The following SGPP2 variants were observed in gnomAD, a reference collection of about 807,000 sequenced individuals.
SGPP2 encodes sphingosine 1-phosphate phosphohydrolase 2.
In SGPP2, 30 loss-of-function variants were observed where a neutral mutation model predicts 33.9. The ratio of observed to expected loss-of-function variants is 0.89; its 90% CI spans 0.66 to 1.20. SGPP2 has a LOEUF of 1.20. Among genes scored for constraint, SGPP2 ranks in the 50% most tolerant of loss-of-function variants. The pLI is 0.00. For synonymous variants in SGPP2, 233 were observed against 225.0 expected (o/e 1.04, Z -0.32); for missense variants, 458 against 532.1 (o/e 0.86, Z 1.37).
At chr2:222,437,504 T>C (rs1239466006) in intron 1 of SGPP2, among the ~76,000 whole-genome samples, 1 of 152,112 alleles carries the variant, frequency 6.6e-6, no homozygotes, top group Non-Finnish European at 1.5e-5. Flanking sequence ...CATAGGGAAC[T>C]CCCCATGAGG....
intron 4 of SGPP2, among the ~76,000 whole-genome samples, chr2:222,546,085 C>T (rs57656700): frequency 0.039 from 5,920 of 152,250 alleles, 191 homozygotes; most frequent in African/African-American, 0.082. Context: ...GGGAATGGTC[C>T]TTAAAACATG....
chr2:222,539,108 G>A lies in SGPP2; in HGVS notation c.648+14075G>A, dbSNP rs114266666. 9.1e-3 allele frequency among the ~76,000 whole-genome samples: 1,382 copies of A among 152,230 alleles called. 25 individuals carry two copies. Among genetic ancestry groups the A allele is most frequent in the African/African-American group, 0.032 (1,312 of 41,538 alleles). On this transcript the variant is annotated intron_variant, in intron 4 of 4. Coordinates refer to ENST00000321276, the MANE Select transcript of SGPP2 (RefSeq NM_152386.4). ...GAGTCCCAAGTCCCATCTAAGACAA[G>A]GCAAGTCCCTTCCGTCTAGGAGCCT...
At chr2:222,499,650 G>A (rs919862534) in intron 2 of SGPP2, among the ~76,000 whole-genome samples, 1 of 152,110 alleles carries the variant, frequency 6.6e-6, no homozygotes, top group Non-Finnish European at 1.5e-5. Context: ...TGGGGCATTG[G>A]GGGAAAGACA....
At chr2:222,554,899 A>C (rs1170228050) in intron 4 of SGPP2, among the ~76,000 whole-genome samples, 2 of 152,190 alleles carry the variant, frequency 1.3e-5, no homozygotes, top group African/African-American at 4.8e-5. Context: ...TTTGTTTGGC[A>C]TAAAGTTCCA....
intron 1 of SGPP2, among the ~76,000 whole-genome samples, chr2:222,443,592 T>C (rs1475443070): frequency 6.6e-6 from 1 of 152,228 alleles, no homozygotes; most frequent in Non-Finnish European, 1.5e-5. Flanking sequence ...TGCCATTTCT[T>C]CTCGCTGGTA....
chr2:222,473,555 A>G (rs1338272541), intron 1 of SGPP2, among the ~76,000 whole-genome samples: 1 of 152,224 alleles, frequency 6.6e-6, no homozygotes, highest in African/African-American at 2.4e-5. Flanking sequence ...GAGGTTGTTT[A>G]ATGCATACAA....
intron 1 of SGPP2, among the ~76,000 whole-genome samples, chr2:222,464,884 T>C (rs1468092563): frequency 1.3e-5 from 2 of 152,176 alleles, no homozygotes; most frequent in Non-Finnish European, 2.9e-5. Context: ...GGTCACTGTC[T>C]CACAATTTCA....
intron 4 of SGPP2, among the ~76,000 whole-genome samples, chr2:222,542,282 C>T (rs1270357806): frequency 1.3e-5 from 2 of 152,200 alleles, no homozygotes; most frequent in African/African-American, 2.4e-5. Context: ...GCATCTAACT[C>T]ATGACCATAT....
At chr2:222,426,051 G>C (rs1445900625) in intron 1 of SGPP2, among the ~76,000 whole-genome samples, 1 of 151,658 alleles carries the variant, frequency 6.6e-6, no homozygotes, top group Non-Finnish European at 1.5e-5. Flanking sequence ...AAACGGGGCA[G>C]AGTAGGGGGG....
At position 222,562,436 on chromosome 2, in the gene SGPP2, T is replaced by C. The variant is rs529767097; in HGVS notation, c.*3538T>C. ...CAGTGATCGCACTGTAACATGGGATTTTCTCACCCAAATAGGCAACTCATG... is the reference window on the plus strand; with the variant it reads ...CAGTGATCGCACTGTAACATGGGATCTTCTCACCCAAATAGGCAACTCATG... On this transcript the variant is annotated 3_prime_UTR_variant, in exon 5 of 5. Transcript: ENST00000321276. 1.6e-4 allele frequency among the ~76,000 whole-genome samples: 25 copies of C among 152,290 alleles called. No individual in the cohort carries two copies. The highest frequency in any genetic ancestry group is 3.4e-4 in the Non-Finnish European group (23 of 68,030).
In SGPP2 at chr2:222,435,094, A is replaced by G. The variant is rs866346142; in HGVS notation, c.219+10273A>G. Among the ~76,000 whole-genome samples the G allele has an allele frequency of 3.3e-5, 5 of 151,280 alleles. No individual in the cohort carries two copies. In the South Asian group the frequency reaches 8.3e-4, roughly 25 times the overall value. ...CATATATATATACACATATATATAT[A>G]TGGAGTTTATTTAGTATTAACTCAC... On this transcript the variant is annotated intron_variant, in intron 1 of 4. Transcript: ENST00000321276.
At chr2:222,554,511 G>T (rs1372485723) in intron 4 of SGPP2, among the ~76,000 whole-genome samples, 1 of 152,218 alleles carries the variant, frequency 6.6e-6, no homozygotes, top group Non-Finnish European at 1.5e-5. Flanking sequence ...GAATGAGATT[G>T]TTGGGCTGGA....
intron 1 of SGPP2, among the ~76,000 whole-genome samples, chr2:222,428,784 TC>T (rs141501943): frequency 2.6e-4 from 31 of 121,112 alleles, no homozygotes; most frequent in Middle Eastern, 4.5e-3. Context: ...AACATGGTTT[TC>T]TTTTTTTTTT....
intron 2 of SGPP2, among the ~76,000 whole-genome samples, chr2:222,492,043 G>A (rs13404688): frequency 0.17 from 25,482 of 152,098 alleles, 2,538 homozygotes; most frequent in East Asian, 0.5. Context: ...TCTCACATTC[G>A]TAAGAGTGCG....
intron 4 of SGPP2, among the ~76,000 whole-genome samples, chr2:222,538,445 G>C (rs1337580792): frequency 6.6e-6 from 1 of 152,094 alleles, no homozygotes; most frequent in African/African-American, 2.4e-5. Flanking sequence ...TTATATCACT[G>C]AGTGAAAAAA....
intron 1 of SGPP2, among the ~76,000 whole-genome samples, chr2:222,430,510 G>A (rs1160343257): frequency 1.3e-5 from 2 of 152,202 alleles, no homozygotes; most frequent in Non-Finnish European, 2.9e-5. Context: ...ATAGAGACAG[G>A]GTCTCACTAT....
chr2:222,514,013 C>T (rs1180625197), intron 2 of SGPP2, among the ~76,000 whole-genome samples: 1 of 152,116 alleles, frequency 6.6e-6, no homozygotes, highest in African/African-American at 2.4e-5. Flanking sequence ...ATAATAGCAC[C>T]TCCTGTTATA....
intron 1 of SGPP2, among the ~76,000 whole-genome samples, chr2:222,463,659 T>G (rs1396620193): frequency 6.6e-6 from 1 of 152,116 alleles, no homozygotes; most frequent in African/African-American, 2.4e-5. Context: ...AAGCTAAAAA[T>G]TGTGTGGCCA....
At chr2:222,443,777 A>G (rs1460778524) in intron 1 of SGPP2, among the ~76,000 whole-genome samples, 3 of 152,114 alleles carry the variant, frequency 2.0e-5, no homozygotes, top group South Asian at 2.1e-4. Context: ...TGTGTGTTCC[A>G]TGTCTGTGCT....
Sources: gnomAD v4.1 joint callset for allele counts (sites outside exome capture counted in the v4.1 genomes callset) on GRCh38, gnomAD v4.1.1 for gene constraint, MANE v1.5 for transcripts, NCBI Gene and HGNC (gene_info 2026-07-23, HGNC 2026-07-21) for gene names.